AAMDC: variants seen among roughly 807,000 people sequenced by gnomAD.
AAMDC encodes mth938 domain-containing protein.
In AAMDC, 16 loss-of-function variants were observed where a neutral mutation model predicts 15.5. The observed-to-expected ratio is 1.03, with a 90% CI of 0.70 to 1.57. AAMDC has a LOEUF of 1.57. AAMDC is among the 40% of genes most tolerant of loss of function. AAMDC has a pLI of 0.00. For missense variants in AAMDC, 141 were observed against 144.9 expected, an observed-to-expected ratio of 0.97 and a Z score of 0.14; for synonymous variants, 51 against 51.6, an observed-to-expected ratio of 0.99 and a Z score of 0.05.
chr11:77,861,044 A>G (rs1308673069), intron 2 of AAMDC, among the ~76,000 whole-genome samples: 4 of 152,132 alleles, frequency 2.6e-5, no homozygotes. Context: ...CTAAGCGGGT[A>G]TTGCCTTTGG....
chr11:77,862,312 G>A (rs1950916276), intron 2 of AAMDC, among the ~76,000 whole-genome samples: 1 of 152,158 alleles, frequency 6.6e-6, no homozygotes, highest in African/African-American at 2.4e-5. Flanking sequence ...GTTAGTGTCT[G>A]ATTTAGCAGT....
At chr11:77,859,543 C>T (rs1224330729) in intron 2 of AAMDC, among the ~76,000 whole-genome samples, 1 of 152,186 alleles carries the variant, frequency 6.6e-6, no homozygotes, top group Non-Finnish European at 1.5e-5. Context: ...TCTCCTAATT[C>T]TAGTGCCCGA....
intron 2 of AAMDC, among the ~76,000 whole-genome samples, chr11:77,847,342 T>C (rs1180094635): frequency 1.3e-5 from 2 of 152,236 alleles, no homozygotes; most frequent in South Asian, 2.1e-4. Context: ...GGAAACTTTG[T>C]AGGTTGTATA....
At chr11:77,864,483 T>C (rs970055386) in intron 2 of AAMDC, among the ~76,000 whole-genome samples, 6 of 152,122 alleles carry the variant, frequency 3.9e-5, no homozygotes, top group African/African-American at 1.4e-4. Flanking sequence ...TTATTCTTGA[T>C]TGAGAACCAG....
chr11:77,900,176 T>G (rs1952717865), intron 5 of AAMDC, among the ~76,000 whole-genome samples: 1 of 152,014 alleles, frequency 6.6e-6, no homozygotes, highest in South Asian at 2.1e-4. Context: ...TTCGGCCCAC[T>G]GCAACCTCCA....
chr11:77,841,073 T>C (rs1214571238), intron 1 of AAMDC: 1 of 637,656 alleles, frequency 1.6e-6, no homozygotes, highest in Non-Finnish European at 2.9e-6. Flanking sequence ...GAGAGCCTTC[T>C]TGCTGCATCA....
downstream of AAMDC, among the ~76,000 whole-genome samples, chr11:77,874,623 T>C (rs1951548832): frequency 1.3e-5 from 2 of 152,226 alleles, no homozygotes; most frequent in Admixed American, 1.3e-4. Flanking sequence ...GAAGGGAAGC[T>C]GTTTCTCCAC....
At chr11:77,900,289 C>T (rs1169452739) in intron 5 of AAMDC, among the ~76,000 whole-genome samples, 2 of 152,062 alleles carry the variant, frequency 1.3e-5, no homozygotes, top group Non-Finnish European at 2.9e-5. Flanking sequence ...TTAGTAGAGA[C>T]AGGGTTTCAC....
intron 2 of AAMDC, among the ~76,000 whole-genome samples, chr11:77,864,896 G>A (rs1012333760): frequency 3.3e-5 from 5 of 152,138 alleles, no homozygotes; most frequent in African/African-American, 4.8e-5. Context: ...AGGATCACTT[G>A]GGCCTGGGAG....
chr11:77,891,954 G>A lies in AAMDC; in HGVS notation c.329-8617G>A, dbSNP rs1952289227. 4 of 1,545,118 alleles carry A rather than the reference G, an allele frequency of 2.6e-6. No homozygotes were observed. In the East Asian group the frequency reaches 6.8e-5, roughly 26 times the overall value. ...TAGGAAGAATGATGAAGTGAGAGGAGCTTGCAGTTTACGACCAAGATAGAC... is the reference window on the plus strand; with the variant it reads ...TAGGAAGAATGATGAAGTGAGAGGAACTTGCAGTTTACGACCAAGATAGAC... On this transcript the variant is annotated intron_variant, in intron 5 of 5. Transcript: ENST00000304716.
intron 2 of AAMDC, among the ~76,000 whole-genome samples, chr11:77,847,911 A>G (rs1405933395): frequency 6.6e-6 from 1 of 152,152 alleles, no homozygotes. Flanking sequence ...CCAGTCCAAG[A>G]GCAGAAGAAA....
At chr11:77,890,288 C>A (rs1256676954) in intron 5 of AAMDC, among the ~76,000 whole-genome samples, 2 of 152,194 alleles carry the variant, frequency 1.3e-5, no homozygotes, top group Non-Finnish European at 2.9e-5. Context: ...GTCACCATAG[C>A]CAAAAAGCAT....
intron 2 of AAMDC, among the ~76,000 whole-genome samples, chr11:77,854,650 G>T (rs1462572219): frequency 6.6e-6 from 1 of 152,212 alleles, no homozygotes; most frequent in African/African-American, 2.4e-5. Flanking sequence ...TCTGCAGGGT[G>T]CAACCCCTGT....
chr11:77,893,238 C>A (rs1434851586), intron 5 of AAMDC, among the ~76,000 whole-genome samples: 1 of 152,166 alleles, frequency 6.6e-6, no homozygotes, highest in East Asian at 1.9e-4. Context: ...TGAAAAAATA[C>A]ATGTATTCTA....
chr11:77,876,916 G>A, downstream of AAMDC: 2 of 702,008 alleles, frequency 2.8e-6, no homozygotes, highest in Middle Eastern at 2.3e-4. Flanking sequence ...GATGGGCTCA[G>A]GCAGCAGCCA....
downstream of AAMDC, chr11:77,872,506 G>A (rs1225228757): frequency 7.3e-6 from 4 of 544,932 alleles, no homozygotes; most frequent in Non-Finnish European, 1.2e-5. Flanking sequence ...AAAAAGATGA[G>A]ACAGAAGTTT....
intron 2 of AAMDC, among the ~76,000 whole-genome samples, chr11:77,846,890 G>C (rs995402992): frequency 2.6e-5 from 4 of 151,902 alleles, no homozygotes; most frequent in African/African-American, 9.7e-5. Flanking sequence ...ATGCCATTTG[G>C]GATCTGTCCC....
intron 2 of AAMDC, among the ~76,000 whole-genome samples, chr11:77,856,195 C>T (rs542864538): frequency 6.6e-6 from 1 of 152,340 alleles, no homozygotes; most frequent in East Asian, 1.9e-4. Context: ...ATCTCTAGGG[C>T]AGGGGCACAA....
chr11:77,872,881 G>A (rs550795463), downstream of AAMDC, among the ~76,000 whole-genome samples: 6 of 152,328 alleles, frequency 3.9e-5, no homozygotes, highest in South Asian at 1.2e-3. Context: ...AACCCAAGAG[G>A]TAGAGGTTGC....
Sources: gnomAD v4.1 joint callset for allele counts (sites outside exome capture counted in the v4.1 genomes callset) on GRCh38, gnomAD v4.1.1 for gene constraint, MANE v1.5 for transcripts, NCBI Gene and HGNC (gene_info 2026-07-23, HGNC 2026-07-21) for gene names.